The following KIF23 variants were observed in gnomAD, a reference collection of about 807,000 sequenced individuals.
KIF23 encodes kinesin-like protein KIF23.
In KIF23, 30 loss-of-function variants were observed where a neutral mutation model predicts 137.5. That is an observed-to-expected ratio of 0.22 (90% confidence interval 0.16 to 0.30). The LOEUF is 0.30. Among genes scored for constraint, KIF23 ranks in the 10% least tolerant of loss-of-function variants. KIF23 has a pLI of 1.00. For synonymous variants in KIF23, 367 were observed against 391.1 expected, an observed-to-expected ratio of 0.94 and a Z score of 0.73; for missense variants, 920 against 1,194.3, an observed-to-expected ratio of 0.77 and a Z score of 3.38.
At position 69,417,367 on chromosome 15, in the gene KIF23, C is replaced by T. The variant is rs1175728405; in HGVS notation, c.82-16C>T. On this transcript the variant is annotated splice_polypyrimidine_tract_variant and intron_variant, in intron 2 of 23. Transcript: ENST00000679126. The stretch of plus-strand genomic sequence containing the variant: ...AGGTCGAACTTTCTTCTTAAAGCAC[C>T]TTCCTATTTCTTCAGGTATACTGTA... 3.2e-6 allele frequency: 5 copies of T among 1,547,648 alleles called. No homozygotes were observed. In the African/African-American group the frequency reaches 5.5e-5, roughly 17 times the overall value.
At chr15:69,446,261 C>T (rs1223857998) in intron 21 of KIF23, 22 bp from the exon 22 acceptor site, 1 of 1,601,868 alleles carries the variant, frequency 6.2e-7, no homozygotes, top group East Asian at 2.2e-5. Flanking sequence ...ATAATTGTTG[C>T]ATCATGTTTC....
chr15:69,442,722 C>T (rs933477488), intron 19 of KIF23, among the ~76,000 whole-genome samples: 6 of 152,178 alleles, frequency 3.9e-5, no homozygotes, highest in Admixed American at 2.0e-4. Context: ...TCAAGGCTTG[C>T]GTATGCCTTG....
chr15:69,418,794 A>G lies in KIF23; in HGVS notation c.210+1283A>G, dbSNP rs1318093614. On this transcript the variant is annotated intron_variant, in intron 3 of 23. Coordinates refer to ENST00000679126, the MANE Select transcript of KIF23 (RefSeq NM_001367805.3). ...ACTAGTTCATAATCTCTTCATAGAG[A>G]TGAGCCTATTGAATACATGCTGAAA... 2.0e-5 allele frequency among the ~76,000 whole-genome samples: 3 copies of G among 152,186 alleles called. No individual in the cohort carries two copies. In the East Asian group the frequency reaches 5.8e-4, roughly 29 times the overall value.
Position 69,436,244 on chromosome 15 carries a change from G to A in KIF23, c.1421G>A (p.Arg474Gln), listed in dbSNP as rs147183949. ...GGGAGGAGATACAGAAACCAGCCTC[G>A]AGGTCCAGTTGGAAATGGTATGATT... ...TPGRRYRNQPRGPVGNEPLVT... is the reference protein window; with the variant it reads ...TPGRRYRNQPQGPVGNEPLVT... Residue 474 changes from arginine (R) to glutamine (Q), a missense_variant, in exon 14 of 24, where the codon CGA becomes CAA. Physicochemically the swap from Arg to Gln is conservative, Grantham distance 43 (BLOSUM62 1). Transcript: ENST00000679126. The A allele has an allele frequency of 5.0e-6, 8 of 1,613,798 alleles. No individual in the cohort carries two copies. Among genetic ancestry groups the A allele is most frequent in the Non-Finnish European group, 6.8e-6 (8 of 1,179,956 alleles).
intron 6 of KIF23, 25 bp from the exon 7 acceptor site, chr15:69,423,134 T>C: frequency 6.9e-7 from 1 of 1,449,956 alleles, no homozygotes; most frequent in Non-Finnish European, 9.6e-7. Context: ...TTATAACGTA[T>C]ACAATTGAAC....
At position 69,436,591 on chromosome 15, in the gene KIF23, A is replaced by G; in HGVS notation, c.1466A>G (p.Gln489Arg). 6.2e-7 allele frequency: 1 copy of G among 1,611,852 alleles called. No homozygotes were observed. Among genetic ancestry groups the G allele is most frequent in the Non-Finnish European group, 8.5e-7 (1 of 1,178,904 alleles). ...NEPLVTDVVLQSFPPLPSCEI... is the reference protein window; with the variant it reads ...NEPLVTDVVLRSFPPLPSCEI... Reference sequence around the variant, plus strand: ...CCATTGGTTACTGACGTGGTTTTGCAGAGTTTTCCACCTTTGCCATCATGC... The same window carrying G: ...CCATTGGTTACTGACGTGGTTTTGCGGAGTTTTCCACCTTTGCCATCATGC... Residue 489 changes from glutamine (Q) to arginine (R), a missense_variant, in exon 15 of 24, where the codon CAG becomes CGG. This residue lies in a region of KIF23 where 714 missense variants were observed against 866.2 expected (regional missense o/e 0.82). Transcript: ENST00000679126.
At position 69,426,471 on chromosome 15, in the gene KIF23, A is replaced by G. The variant is rs1273344431; in HGVS notation, c.1011+14A>G. The G allele has an allele frequency of 3.7e-6, 6 of 1,612,380 alleles. No individual in the cohort carries two copies. The highest frequency in any genetic ancestry group is 4.2e-6 in the Non-Finnish European group (5 of 1,179,434). On this transcript the variant is annotated intron_variant, in intron 10 of 23. Transcript: ENST00000679126. ...AATGTCTTACAGGTAAAGTTGTAGT[A>G]TGTGGAGTTTTTCTGGTTCTAACTC...
chr15:69,440,742 C>G, intron 18 of KIF23, 26 bp from the exon 19 acceptor site: 1 of 1,561,604 alleles, frequency 6.4e-7, no homozygotes, highest in South Asian at 1.2e-5. Context: ...CAGTCTTGCT[C>G]ATTAATTTTT....
rs199854965 is a variant in KIF23, at chr15:69,421,988, G to C, written c.317-4G>C. 6.2e-7 allele frequency: 1 copy of C among 1,613,634 alleles called. No homozygotes were observed. Among genetic ancestry groups the C allele is most frequent in the Non-Finnish European group, 8.5e-7 (1 of 1,179,866 alleles). ...ATAACTCATTGTGACTTGCTACACT[G>C]TAGGTCTTCTTTTTACATATGGTGT... On this transcript the variant is annotated splice_region_variant and splice_polypyrimidine_tract_variant and intron_variant, in intron 4 of 23. Coordinates refer to ENST00000679126, the MANE Select transcript of KIF23 (RefSeq NM_001367805.3).
intron 10 of KIF23, among the ~76,000 whole-genome samples, chr15:69,428,553 G>A (rs182423810): frequency 3.3e-4 from 49 of 149,600 alleles, no homozygotes; most frequent in African/African-American, 1.1e-3. Flanking sequence ...CCAGTTACTC[G>A]GAAGGCTGAG....
chr15:69,435,305 CT>C (rs2057450874), intron 11 of KIF23, among the ~76,000 whole-genome samples, 177 bp from the exon 12 acceptor site: 1 of 152,016 alleles, frequency 6.6e-6, no homozygotes, highest in African/African-American at 2.4e-5. Context: ...AGAAATACTG[CT>C]ATTGAAAGAG....
At position 69,436,730 on chromosome 15, in the gene KIF23, C is replaced by A; in HGVS notation, c.1597+8C>A. On this transcript the variant is annotated splice_region_variant and intron_variant, in intron 15 of 23. Transcript: ENST00000679126. ...ATGAGTTTAACAAACAATGTAAGGG[C>A]AAAACTATTTGAAATAATTTTATTT... The A allele has an allele frequency of 1.4e-6, 2 of 1,462,438 alleles. No homozygotes were observed. The highest frequency in any genetic ancestry group is 1.8e-6 in the Non-Finnish European group (2 of 1,092,860). 90.6% of individuals were successfully genotyped at this position (1,462,438 alleles called of 1,614,324 possible).
Position 69,426,407 on chromosome 15 carries a change from A to C in KIF23, c.961A>C (p.Ile321Leu), listed in dbSNP as rs774746899. 1 of 1,614,164 alleles carries C rather than the reference A, an allele frequency of 6.2e-7. No homozygotes were observed. Among genetic ancestry groups the C allele is most frequent in the East Asian group, 2.2e-5 (1 of 44,894 alleles). The change falls in exon 10 of 24, where the codon ATT (isoleucine) becomes CTT (leucine). Residue 321 changes from isoleucine to leucine, a missense_variant. Physicochemically the swap from Ile to Leu is conservative, Grantham distance 5 (BLOSUM62 2). Around this residue, in one of 4 missense-constraint regions of KIF23, gnomAD observed 714 missense variants for 866.2 expected, o/e 0.82. Coordinates refer to ENST00000679126, the MANE Select transcript of KIF23 (RefSeq NM_001367805.3). ...ESSRSHSVFN[I>L]KLVQAPLDAD... is the part of the protein sequence containing the mutation. ...CAGCCGTTCCCATAGCGTGTTCAAC[A>C]TTAAATTAGTTCAGGCTCCCTTGGA...
intron 11 of KIF23, chr15:69,434,759 G>T: frequency 1.7e-6 from 2 of 1,185,500 alleles, no homozygotes; most frequent in Non-Finnish European, 1.2e-6. Context: ...CTGGGCAGGA[G>T]GCCATAAAGC....
At chr15:69,445,466 T>C (rs2057720157) in intron 20 of KIF23, among the ~76,000 whole-genome samples, 1 of 151,568 alleles carries the variant, frequency 6.6e-6, no homozygotes, top group Non-Finnish European at 1.5e-5. Context: ...AAAGCCGTTT[T>C]CCAGAAAGAG....
At chr15:69,414,541 C>T in intron 1 of KIF23, 65 bp downstream of exon 1, 3 of 1,475,358 alleles carry the variant, frequency 2.0e-6, no homozygotes, top group Non-Finnish European at 1.8e-6. Flanking sequence ...GGGCTGGGGG[C>T]AGGCGTCTCC....
intron 10 of KIF23, among the ~76,000 whole-genome samples, chr15:69,428,209 T>C (rs7169065): frequency 0.99 from 151,131 of 152,002 alleles, 75,138 homozygotes; most frequent in Middle Eastern, 1. Context: ...GAGCCAAGAT[T>C]GCGCCACTGC....
chr15:69,429,436 A>G (rs1358539257), intron 11 of KIF23, among the ~76,000 whole-genome samples: 3 of 152,058 alleles, frequency 2.0e-5, no homozygotes, highest in Non-Finnish European at 4.4e-5. Flanking sequence ...TTCTGAGTAG[A>G]TGGGACTACA....
chr15:69,441,911 G>A (rs541601406), intron 19 of KIF23, among the ~76,000 whole-genome samples: 165 of 151,786 alleles, frequency 1.1e-3, no homozygotes, highest in African/African-American at 3.9e-3. Context: ...CTGAGATTAC[G>A]GGCAGGCCAC....
Sources: allele counts gnomAD v4.1 joint callset (sites outside exome capture counted in the v4.1 genomes callset), GRCh38; gene constraint gnomAD v4.1.1; regional missense constraint gnomAD v4.1.1; transcripts MANE v1.5; gene names NCBI Gene and HGNC (gene_info 2026-07-23, HGNC 2026-07-21).